Variants in KCTD14 observed in about 807,000 individuals in gnomAD.
The protein encoded by KCTD14 is BTB/POZ domain-containing protein KCTD14.
In KCTD14, 7 loss-of-function variants were observed where a neutral mutation model predicts 5.9. The ratio of observed to expected loss-of-function variants is 1.19; its 90% confidence interval spans 0.68 to 2.23. KCTD14 has a LOEUF of 2.23. Among genes scored for constraint, KCTD14 ranks in the 30% most tolerant of loss-of-function variants. The pLI, the probability that KCTD14 is intolerant of heterozygous loss-of-function variation, is 0.00. For synonymous variants in KCTD14, 140 were observed against 133.1 expected, an observed-to-expected ratio of 1.05 and a Z score of -0.36; for missense variants, 342 against 332.2, an observed-to-expected ratio of 1.03 and a Z score of -0.23.
chr11:78,016,680 C>G lies in KCTD14; in HGVS notation c.681G>C (p.Lys227Asn), dbSNP rs764342153. 1.9e-6 allele frequency: 3 copies of G among 1,614,182 alleles called. No homozygotes were observed. Among genetic ancestry groups the G allele is most frequent in the Non-Finnish European group, 2.5e-6 (3 of 1,180,030 alleles). The change falls in exon 2 of 2, where the codon AAG becomes AAC. Residue 227 changes from lysine to asparagine, a missense_variant. Physicochemically the swap from Lys to Asn is moderately conservative, Grantham distance 94 (BLOSUM62 0). Coordinates refer to ENST00000353172, the MANE Select transcript of KCTD14 (RefSeq NM_023930.4). The part of the protein sequence containing the change: ...LEMDIKAQGY[K>N]VFSKFYLTYP... ...ACGTCAGGTAGAACTTGGAGAATAC[C>G]TTGTACCCCTGGGCCTTAATGTCCA...
At position 78,016,632 on chromosome 11, in the gene KCTD14, G is replaced by C; in HGVS notation, c.729C>G (p.Phe243Leu). The C allele has an allele frequency of 6.2e-7, 1 of 1,614,156 alleles. No individual in the cohort carries two copies. The highest frequency in any genetic ancestry group is 2.2e-5 in the East Asian group (1 of 44,878). The change falls in exon 2 of 2, where the codon TTC becomes TTG. Residue 243 changes from phenylalanine (F) to leucine (L), a missense_variant. Coordinates refer to ENST00000353172, the MANE Select transcript of KCTD14 (RefSeq NM_023930.4). ...AGGTGAATGAATAAATGTTAAAATG[G>C]AATTCGTTTCTTTTGGTGGGGTACG... ...YLTYPTKRNEFHFNIYSFTFT... is the reference protein window; with the variant it reads ...YLTYPTKRNELHFNIYSFTFT...
Position 78,037,177 on chromosome 11 carries a change from A to G in KCTD14, c.-1+1487T>C, listed in dbSNP as rs546657911. On this transcript the variant is annotated intron_variant, in intron 2 of 2. Transcript: ENST00000533144. The stretch of plus-strand genomic sequence containing the variant: ...AACTCATGTGAATCATTCCTGGACA[A>G]TCAGAAACTGGGGAGCAAATAGTGC... 3.5e-3 allele frequency among the ~76,000 whole-genome samples: 538 copies of G among 152,242 alleles called. 3 individuals are homozygous for G. Among genetic ancestry groups the G allele is most frequent in the Non-Finnish European group, 5.9e-3 (400 of 68,008 alleles).
intron 1 of KCTD14, among the ~76,000 whole-genome samples, chr11:78,045,393 A>T (rs1858106498): frequency 6.6e-6 from 1 of 152,166 alleles, no homozygotes; most frequent in Non-Finnish European, 1.5e-5. Flanking sequence ...TACGATAGTG[A>T]TGTTATCTGC....
chr11:78,031,600 T>G (rs1374042562), intron 2 of KCTD14, among the ~76,000 whole-genome samples: 1 of 151,824 alleles, frequency 6.6e-6, no homozygotes, highest in Non-Finnish European at 1.5e-5. Context: ...GTTGGCCAGG[T>G]TGGTCTCAAA....
chr11:78,023,181 G>A lies in KCTD14; in HGVS notation c.69C>T (p.Ser23=). ...RMTSQTPLPQ[S]PRPRRPTMST... ...TTACCGTTGGCCGCCTGGGCCGGGG[G>A]GACTGGGGCAGAGGGGTCTGGCTCG... The change falls in exon 1 of 2, where the codon TCC becomes TCT. Residue 23 remains serine, a synonymous_variant. Transcript: ENST00000353172. 1 of 1,598,838 alleles carries A rather than the reference G, an allele frequency of 6.3e-7. No homozygotes were observed. The highest frequency in any genetic ancestry group is 2.3e-5 in the East Asian group (1 of 43,576).
chr11:78,030,063 T>A (rs1316313836), intron 2 of KCTD14, among the ~76,000 whole-genome samples: 2 of 152,140 alleles, frequency 1.3e-5, no homozygotes, highest in Non-Finnish European at 2.9e-5. Context: ...GGATTACAGG[T>A]GTGAGCCATC....
upstream of KCTD14, among the ~76,000 whole-genome samples, chr11:78,025,590 G>C (rs763481742): frequency 6.6e-6 from 1 of 152,162 alleles, no homozygotes; most frequent in Non-Finnish European, 1.5e-5. Context: ...ATCCAGCAAG[G>C]CTGAGTTCCC....
chr11:78,039,558 T>C (rs1047355496), intron 1 of KCTD14, among the ~76,000 whole-genome samples: 8 of 151,554 alleles, frequency 5.3e-5, no homozygotes, highest in African/African-American at 1.9e-4. Context: ...AAAGATTTAT[T>C]TAAACATGTA....
rs559748699 is a variant in KCTD14 at position 78,036,660 on chromosome 11, T to C, written c.-1+2004A>G. On this transcript the variant is annotated intron_variant, in intron 2 of 2. Coordinates refer to the KCTD14 transcript ENST00000533144. ...TAAATGTTACCTTTCCCAAGAGGCCTTCCGTGACCACTCTATTTGAAGGCT... is the reference window on the plus strand; with the variant it reads ...TAAATGTTACCTTTCCCAAGAGGCCCTCCGTGACCACTCTATTTGAAGGCT... Among the ~76,000 whole-genome samples, 5 of 152,366 alleles carry C rather than the reference T, an allele frequency of 3.3e-5. No homozygotes were observed. The East Asian group carries it at 9.6e-4, about 29-fold the overall frequency.
intron 1 of KCTD14, among the ~76,000 whole-genome samples, chr11:78,018,128 C>T (rs986423239): frequency 6.6e-6 from 1 of 152,064 alleles, no homozygotes; most frequent in Non-Finnish European, 1.5e-5. Flanking sequence ...ACAACAATAA[C>T]AGAAGAACGT....
chr11:78,025,112 GTGTGTGTATATATATATATATATA>G (rs1297948971), upstream of KCTD14, among the ~76,000 whole-genome samples: 2 of 68,682 alleles, frequency 2.9e-5, no homozygotes, highest in African/African-American at 1.3e-4. Flanking sequence ...GTGTGTGTGT[GTGTGTGTATATATATATATATATA>G]TATATATATA....
At chr11:78,038,235 G>A (rs895866343) in intron 2 of KCTD14, among the ~76,000 whole-genome samples, 2 of 152,288 alleles carry the variant, frequency 1.3e-5, no homozygotes, top group Admixed American at 6.5e-5. Flanking sequence ...GTTCCTGGTG[G>A]ACAGCTCCTC....
At chr11:78,040,965 C>T (rs112290669) in intron 1 of KCTD14, among the ~76,000 whole-genome samples, 1 of 152,214 alleles carries the variant, frequency 6.6e-6, no homozygotes, top group Non-Finnish European at 1.5e-5. Flanking sequence ...CCACCGCGCC[C>T]GGCCACTAGG....
intron 2 of KCTD14, among the ~76,000 whole-genome samples, chr11:78,032,703 C>CT (rs35820886): frequency 0.72 from 89,263 of 123,500 alleles, 32,960 homozygotes; most frequent in Admixed American, 0.79. Flanking sequence ...TGATCTACTT[C>CT]TTTTTTTTTT....
chr11:78,038,876 T>A, intron 1 of KCTD14: 2 of 1,212,672 alleles, frequency 1.6e-6, no homozygotes, highest in Non-Finnish European at 2.3e-6. Context: ...ACTGGATGGC[T>A]ACTGCTGCTG....
At chr11:78,039,304 C>A (rs970261661) in intron 1 of KCTD14, among the ~76,000 whole-genome samples, 1 of 151,884 alleles carries the variant, frequency 6.6e-6, no homozygotes, top group Non-Finnish European at 1.5e-5. Context: ...ACCGCTTGAG[C>A]CCAGGAGTTC....
intron 2 of KCTD14, among the ~76,000 whole-genome samples, chr11:78,029,775 C>CTTTTTTTTTTTTTTTTTTTTT (rs372341755): frequency 7.6e-6 from 1 of 131,286 alleles, no homozygotes. Flanking sequence ...TCAGACAAGA[C>CTTTTTTTTTTTTTTTTTTTTT]TTTTTTTTTT....
At chr11:78,031,271 C>T (rs1346683036) in intron 2 of KCTD14, among the ~76,000 whole-genome samples, 3 of 152,120 alleles carry the variant, frequency 2.0e-5, no homozygotes, top group South Asian at 2.1e-4. Context: ...TGGTCTCAAA[C>T]CCCTGAGCTC....
intron 1 of KCTD14, among the ~76,000 whole-genome samples, chr11:78,018,445 G>A (rs541933833): frequency 1.6e-4 from 24 of 152,158 alleles, no homozygotes; most frequent in African/African-American, 5.1e-4. Context: ...GGTGCCTCAC[G>A]CCTATAATCC....
Sources: gnomAD v4.1 joint callset for allele counts (sites outside exome capture counted in the v4.1 genomes callset) on GRCh38, gnomAD v4.1.1 for gene constraint, MANE v1.5 for transcripts, NCBI Gene and HGNC (gene_info 2026-07-23, HGNC 2026-07-21) for gene names.